ELMO1: variants seen among roughly 807,000 people sequenced by gnomAD.
ELMO1 encodes the protein engulfment and cell motility protein 1.
ELMO1 carries 26 observed loss-of-function variants against 98.9 expected under a neutral mutation model. The ratio of observed to expected loss-of-function variants is 0.26; its 90% CI spans 0.19 to 0.36. ELMO1 has a LOEUF of 0.36. ELMO1 is among the 10% of genes least tolerant of loss of function. The pLI is 1.00. For missense variants in ELMO1, 627 were observed against 935.2 expected (o/e 0.67, Z 4.30); for synonymous variants, 346 against 346.0 (o/e 1.00, Z 0.00).
chr7:37,054,043 C>T (rs757462965), intron 15 of ELMO1, among the ~76,000 whole-genome samples: 46 of 152,106 alleles, frequency 3.0e-4, no homozygotes, highest in Non-Finnish European at 5.4e-4. Flanking sequence ...TTAAAAAATA[C>T]GCAGCTAAGG....
At chr7:36,932,947 G>A (rs954754843) in intron 16 of ELMO1, among the ~76,000 whole-genome samples, 3 of 152,198 alleles carry the variant, frequency 2.0e-5, no homozygotes, top group Admixed American at 6.5e-5. Flanking sequence ...GACAGTGGGC[G>A]GATGCCTTCC....
chr7:37,212,524 T>C (rs553522695), intron 12 of ELMO1, among the ~76,000 whole-genome samples: 2 of 152,326 alleles, frequency 1.3e-5, no homozygotes, highest in East Asian at 1.9e-4. Context: ...CTCCTCTCCC[T>C]GGGATGACCA....
At chr7:36,903,528 GT>G (rs1783736601) in intron 16 of ELMO1, among the ~76,000 whole-genome samples, 1 of 152,214 alleles carries the variant, frequency 6.6e-6, no homozygotes, top group African/African-American at 2.4e-5. Flanking sequence ...AAAATCAGTA[GT>G]TCTCAACATT....
chr7:37,244,241 C>A (rs1794889427), intron 7 of ELMO1, 115 bp downstream of exon 7: 4 of 1,057,904 alleles, frequency 3.8e-6, no homozygotes, highest in South Asian at 1.9e-5. Context: ...AACAAAAAAT[C>A]ACTTATTCAA....
chr7:37,404,245 C>T (rs764215916), intron 1 of ELMO1, among the ~76,000 whole-genome samples: 1 of 152,106 alleles, frequency 6.6e-6, no homozygotes, highest in African/African-American at 2.4e-5. Flanking sequence ...CTCTCCCATA[C>T]CACCAAGACC....
intron 15 of ELMO1, among the ~76,000 whole-genome samples, chr7:37,050,132 G>C (rs1796022467): frequency 6.6e-6 from 1 of 152,098 alleles, no homozygotes; most frequent in African/African-American, 2.4e-5. Context: ...AGGTTAGAGT[G>C]CAGTGGTGCA....
intron 13 of ELMO1, among the ~76,000 whole-genome samples, chr7:37,137,590 T>C (rs948372259): frequency 2.6e-5 from 4 of 151,962 alleles, no homozygotes; most frequent in Non-Finnish European, 5.9e-5. Context: ...CAGGCTGGAA[T>C]ACAGTGGTGC....
chr7:37,092,107 C>T (rs913418574), intron 15 of ELMO1, among the ~76,000 whole-genome samples: 2 of 152,082 alleles, frequency 1.3e-5, no homozygotes, highest in African/African-American at 2.4e-5. Flanking sequence ...GTGACCACAT[C>T]CAGGTCCCTA....
chr7:36,996,036 G>A (rs1792187197), intron 16 of ELMO1, among the ~76,000 whole-genome samples: 1 of 152,224 alleles, frequency 6.6e-6, no homozygotes. Flanking sequence ...AGCCCTGTCT[G>A]TGTGGGAGCA....
intron 2 of ELMO1, among the ~76,000 whole-genome samples, chr7:37,319,488 C>T (rs1799368775): frequency 6.6e-6 from 1 of 152,110 alleles, no homozygotes; most frequent in African/African-American, 2.4e-5. Context: ...GAGCGTACAC[C>T]CCAATCTCAT....
intron 1 of ELMO1, among the ~76,000 whole-genome samples, chr7:37,379,200 T>C (rs1802487317): frequency 6.6e-6 from 1 of 152,050 alleles, no homozygotes; most frequent in Non-Finnish European, 1.5e-5. Context: ...CCACCACTCC[T>C]GGCTAATTTT....
At chr7:37,081,682 G>A (rs537973372) in intron 15 of ELMO1, among the ~76,000 whole-genome samples, 57 of 152,314 alleles carry the variant, frequency 3.7e-4, no homozygotes, top group African/African-American at 1.3e-3. Flanking sequence ...CTTGGGCCAT[G>A]ATTATGAGGT....
intron 15 of ELMO1, among the ~76,000 whole-genome samples, chr7:37,026,051 T>C (rs1333244580): frequency 6.6e-6 from 1 of 152,048 alleles, no homozygotes; most frequent in Non-Finnish European, 1.5e-5. Context: ...CAAAGGAAAA[T>C]ATATGCAAGA....
At chr7:37,139,572 C>T (rs1249343109) in intron 13 of ELMO1, among the ~76,000 whole-genome samples, 1 of 152,132 alleles carries the variant, frequency 6.6e-6, no homozygotes, top group East Asian at 1.9e-4. Flanking sequence ...ATAGACAACA[C>T]AAACAAATGG....
chr7:37,425,835 G>A lies in ELMO1; in HGVS notation c.-74+22840C>T, dbSNP rs117936529. ...CTTGAGTCTTCTCCAACTGTAATAC[G>A]CTGATATACTGAGAACTTCTCAGGG... is the stretch of plus-strand genomic sequence containing the variant. On this transcript the variant is annotated intron_variant, in intron 1 of 21. Transcript: ENST00000310758. Among the ~76,000 whole-genome samples the A allele has an allele frequency of 4.0e-3, 611 of 152,314 alleles. 1 individual carries two copies. The highest frequency in any genetic ancestry group is 6.7e-3 in the Non-Finnish European group (456 of 68,036).
intron 13 of ELMO1, among the ~76,000 whole-genome samples, chr7:37,165,837 T>C (rs1487802389): frequency 6.6e-6 from 1 of 152,198 alleles, no homozygotes; most frequent in African/African-American, 2.4e-5. Flanking sequence ...GGTATCAGGA[T>C]GATGCTGGCC....
At chr7:37,274,543 G>A (rs1796724641) in intron 4 of ELMO1, among the ~76,000 whole-genome samples, 1 of 152,058 alleles carries the variant, frequency 6.6e-6, no homozygotes, top group Non-Finnish European at 1.5e-5. Context: ...AAGCGGCCAG[G>A]AGGGTTTAGA....
At chr7:37,192,913 TTATATATTA>T (rs1791697217) in intron 13 of ELMO1, among the ~76,000 whole-genome samples, 1 of 143,728 alleles carries the variant, frequency 7.0e-6, no homozygotes, top group African/African-American at 2.6e-5. Context: ...TACATATATT[TTATATATTA>T]TATATAATTT....
chr7:37,039,137 A>G (rs1478758381), intron 15 of ELMO1, among the ~76,000 whole-genome samples: 1 of 152,232 alleles, frequency 6.6e-6, no homozygotes, highest in Non-Finnish European at 1.5e-5. Flanking sequence ...ATTTTTAAAA[A>G]AAAAAGATTT....
Sources: gnomAD v4.1 joint callset for allele counts (sites outside exome capture counted in the v4.1 genomes callset) on GRCh38, gnomAD v4.1.1 for gene constraint, MANE v1.5 for transcripts, NCBI Gene and HGNC (gene_info 2026-07-23, HGNC 2026-07-21) for gene names.